The following FBXL20 variants were observed in gnomAD, a reference collection of about 807,000 sequenced individuals.
The protein encoded by FBXL20 is F-box and leucine rich repeat protein 20.
A neutral mutation model predicts 64.0 loss-of-function variants in FBXL20; 11 were observed. That is an observed-to-expected ratio of 0.17 (90% CI 0.11 to 0.28). FBXL20 has a LOEUF of 0.28. FBXL20 is among the 10% of genes least tolerant of loss of function. FBXL20 has a pLI of 1.00. For synonymous variants in FBXL20, 184 were observed against 189.0 expected, an observed-to-expected ratio of 0.97 and a Z score of 0.22; for missense variants, 303 against 526.2, an observed-to-expected ratio of 0.58 and a Z score of 4.15.
chr17:39,286,808 A>T (rs951348097), intron 6 of FBXL20, among the ~76,000 whole-genome samples: 12 of 151,620 alleles, frequency 7.9e-5, no homozygotes, highest in African/African-American at 2.4e-4. Flanking sequence ...CAAAAAAAAA[A>T]TTTTTTTTAT....
At chr17:39,317,902 CGT>C (rs1179429085) in intron 2 of FBXL20, among the ~76,000 whole-genome samples, 1 of 151,306 alleles carries the variant, frequency 6.6e-6, no homozygotes, top group African/African-American at 2.4e-5. Context: ...GGAGTTTCAC[CGT>C]GTTAGCCGGG....
At chr17:39,382,181 C>T (rs923173820) in intron 1 of FBXL20, among the ~76,000 whole-genome samples, 2 of 147,664 alleles carry the variant, frequency 1.4e-5, no homozygotes, top group South Asian at 2.2e-4. Flanking sequence ...CGGTGGCTCA[C>T]GCCTGTAATC....
At chr17:39,394,630 T>G (rs911808211) in intron 1 of FBXL20, among the ~76,000 whole-genome samples, 1 of 151,466 alleles carries the variant, frequency 6.6e-6, no homozygotes, top group Non-Finnish European at 1.5e-5. Context: ...GCTGGCACGA[T>G]CTCAGCTCAC....
rs182057092 is a variant in FBXL20, at chr17:39,324,140, C to T, written c.104+19040G>A. 2.0e-4 allele frequency among the ~76,000 whole-genome samples: 30 copies of T among 149,232 alleles called. No homozygotes were observed. The East Asian group carries it at 2.3e-3, about 12-fold the overall frequency. On this transcript the variant is annotated intron_variant, in intron 2 of 14. Coordinates refer to ENST00000264658, the MANE Select transcript of FBXL20 (RefSeq NM_032875.3). ...TTTAGTTCTTATTCTTACACTTCAC[C>T]GTGTACTAAAGAACGGCTCATGAAT...
intron 1 of FBXL20, among the ~76,000 whole-genome samples, chr17:39,344,483 G>C (rs961094535): frequency 4.6e-5 from 7 of 152,076 alleles, no homozygotes; most frequent in Admixed American, 4.6e-4. Context: ...CGGAAATCTG[G>C]AATAGAAAAT....
At chr17:39,280,747 C>T (rs952255262) in intron 9 of FBXL20, among the ~76,000 whole-genome samples, 7 of 151,966 alleles carry the variant, frequency 4.6e-5, no homozygotes, top group African/African-American at 1.2e-4. Context: ...AATAATTTGA[C>T]GAGTATATAT....
intron 1 of FBXL20, among the ~76,000 whole-genome samples, chr17:39,353,366 T>C (rs1017241401): frequency 1.3e-5 from 2 of 152,160 alleles, no homozygotes. Context: ...GAAAACAGGT[T>C]AGTAAAAGAG....
chr17:39,368,532 G>A (rs1417973889), intron 1 of FBXL20, among the ~76,000 whole-genome samples: 2 of 152,138 alleles, frequency 1.3e-5, no homozygotes, highest in South Asian at 4.1e-4. Context: ...CCTGAGTTTT[G>A]TTGAGTATAC....
At chr17:39,318,491 A>T (rs1258377968) in intron 2 of FBXL20, among the ~76,000 whole-genome samples, 1 of 152,228 alleles carries the variant, frequency 6.6e-6, no homozygotes, top group East Asian at 1.9e-4. Flanking sequence ...CTGTAATCCC[A>T]GCACTTTGGG....
At position 39,273,433 on chromosome 17, in the gene FBXL20, G is replaced by A. The variant is rs566647140; in HGVS notation, c.827+1537C>T. Reference sequence around the variant, plus strand: ...AAGAAAAGTGGCTTCATAGGCTCAGGAATCAGAGTTCCTGGGTGAATACTT... The same window carrying A: ...AAGAAAAGTGGCTTCATAGGCTCAGAAATCAGAGTTCCTGGGTGAATACTT... On this transcript the variant is annotated intron_variant, in intron 10 of 14. Transcript: ENST00000264658. Among the ~76,000 whole-genome samples, 4 of 152,306 alleles carry A rather than the reference G, an allele frequency of 2.6e-5. No individual in the cohort carries two copies. In the South Asian group the frequency reaches 8.3e-4, roughly 32 times the overall value.
chr17:39,357,145 T>C (rs769609895), intron 1 of FBXL20, among the ~76,000 whole-genome samples: 3 of 151,614 alleles, frequency 2.0e-5, no homozygotes. Flanking sequence ...TGGTGCTGCA[T>C]GTCTGTAATC....
chr17:39,271,804 T>C (rs953832075), intron 10 of FBXL20, among the ~76,000 whole-genome samples: 2 of 152,008 alleles, frequency 1.3e-5, no homozygotes, highest in Non-Finnish European at 2.9e-5. Flanking sequence ...AACCACAGGA[T>C]TGGGGAATCA....
Position 39,396,889 on chromosome 17 carries a change from G to A in FBXL20, c.42+4472C>T, listed in dbSNP as rs377747998. Among the ~76,000 whole-genome samples the A allele has an allele frequency of 1.1e-4, 16 of 151,440 alleles. No individual in the cohort carries two copies. In the East Asian group the frequency reaches 1.6e-3, roughly 15 times the overall value. ...GGAGAATGGCGTGAACCTGGGAGGC[G>A]GAGTTTGCAGTGAGCTGACATCACG... On this transcript the variant is annotated intron_variant, in intron 1 of 14. Coordinates refer to ENST00000264658, the MANE Select transcript of FBXL20 (RefSeq NM_032875.3).
upstream of FBXL20, chr17:39,401,757 G>A (rs1394957246): frequency 1.2e-5 from 13 of 1,067,406 alleles, 1 homozygote; most frequent in South Asian, 3.8e-4. Context: ...GCGCGGCGGC[G>A]GCGGCGCGAG....
chr17:39,358,791 T>C (rs1298596870), intron 1 of FBXL20, among the ~76,000 whole-genome samples: 1 of 151,900 alleles, frequency 6.6e-6, no homozygotes, highest in Non-Finnish European at 1.5e-5. Context: ...GGAGAAAATA[T>C]TTGCAAATAT....
At chr17:39,397,147 C>T (rs2144688525) in intron 1 of FBXL20, among the ~76,000 whole-genome samples, 1 of 152,216 alleles carries the variant, frequency 6.6e-6, no homozygotes, top group South Asian at 2.1e-4. Flanking sequence ...CTCAGATGAT[C>T]CACCCGCTTT....
intron 7 of FBXL20, among the ~76,000 whole-genome samples, chr17:39,285,167 A>T (rs2046978209): frequency 6.6e-6 from 1 of 151,828 alleles, no homozygotes; most frequent in African/African-American, 2.4e-5. Context: ...GCCGCCCAAA[A>T]TGCTGGGATT....
At position 39,260,751 on chromosome 17, in the gene FBXL20, G is replaced by T. The variant is rs543765866; in HGVS notation, c.*709C>A. 1 of 152,938 alleles carries T rather than the reference G, an allele frequency of 6.5e-6. No individual in the cohort carries two copies. Among genetic ancestry groups the T allele is most frequent in the African/African-American group, 2.4e-5 (1 of 41,394 alleles). 9.5% of individuals were successfully genotyped at this position (152,938 alleles called of 1,614,324 possible). A position where few individuals can be genotyped will look rare whatever the true frequency, so the allele number is the denominator to read the frequency against. On this transcript the variant is annotated 3_prime_UTR_variant, in exon 15 of 15. Transcript: ENST00000264658. Reference sequence around the variant, plus strand: ...CAGGTGACAGACTGAGCAAGAGTGTGGGGGGGAGCAACAGAGAATGTAAGA... The same window carrying T: ...CAGGTGACAGACTGAGCAAGAGTGTTGGGGGGAGCAACAGAGAATGTAAGA...
rs547553343 is a variant in FBXL20, at chr17:39,291,292, A to G, written c.399-5719T>C. On this transcript the variant is annotated intron_variant, in intron 6 of 14. Transcript: ENST00000264658. ...TTTTATTTCATGGATTTCCAGTATT[A>G]TTTCCTTCCTTCCTTTGGATTTAAT... Among the ~76,000 whole-genome samples the G allele has an allele frequency of 2.7e-5, 4 of 148,612 alleles. No homozygotes were observed. The East Asian group carries it at 7.9e-4, about 29-fold the overall frequency.
Sources: allele counts gnomAD v4.1 joint callset (sites outside exome capture counted in the v4.1 genomes callset), GRCh38; gene constraint gnomAD v4.1.1; transcripts MANE v1.5; gene names NCBI Gene and HGNC (gene_info 2026-07-23, HGNC 2026-07-21).